The following SCD5 variants were observed in gnomAD, a reference collection of about 807,000 sequenced individuals.
SCD5 encodes the protein acyl-CoA-desaturase 4.
Under a neutral mutation model 30.4 loss-of-function variants are expected in SCD5, and 20 were observed. The ratio of observed to expected loss-of-function variants is 0.66; its 90% CI spans 0.46 to 0.96. The LOEUF is 0.96. SCD5 is among the 40% of genes least tolerant of loss of function. The pLI, the probability that SCD5 is intolerant of heterozygous loss-of-function variation, is 0.00. For synonymous variants in SCD5, 173 were observed against 176.4 expected, an observed-to-expected ratio of 0.98 and a Z score of 0.16; for missense variants, 381 against 443.3, an observed-to-expected ratio of 0.86 and a Z score of 1.26.
At position 82,796,647 on chromosome 4, in the gene SCD5, T is replaced by C. The variant is rs548101302; in HGVS notation, c.232+1659A>G. On this transcript the variant is annotated intron_variant, in intron 1 of 4. Transcript: ENST00000319540. The stretch of plus-strand genomic sequence containing the variant: ...AATATTTTAAGTGCTCACTTTTCCC[T>C]GAGCACTCTCTGAACACCACAGCTA... Among the ~76,000 whole-genome samples, 3 of 152,256 alleles carry C rather than the reference T, an allele frequency of 2.0e-5. No individual in the cohort carries two copies. In the South Asian group the frequency reaches 6.2e-4, roughly 32 times the overall value.
chr4:82,679,283 G>GAAA, intron 3 of SCD5, among the ~76,000 whole-genome samples: 1 of 123,540 alleles, frequency 8.1e-6, no homozygotes, highest in African/African-American at 2.9e-5. Context: ...AAAGAAAGAA[G>GAAA]GAAGGAAAGA....
intron 1 of SCD5, among the ~76,000 whole-genome samples, chr4:82,793,806 G>A (rs533579539): frequency 6.6e-6 from 1 of 152,264 alleles, no homozygotes; most frequent in African/African-American, 2.4e-5. Flanking sequence ...CATTCAGCTG[G>A]TAAGTAAGTA....
chr4:82,792,024 G>A (rs1008564519), intron 1 of SCD5, among the ~76,000 whole-genome samples: 6 of 151,474 alleles, frequency 4.0e-5, no homozygotes, highest in African/African-American at 1.5e-4. Flanking sequence ...TTGGGAGGCC[G>A]AGGAGGGCGG....
chr4:82,739,052 A>G (rs1422986321), intron 1 of SCD5, among the ~76,000 whole-genome samples: 2 of 152,182 alleles, frequency 1.3e-5, no homozygotes, highest in Non-Finnish European at 2.9e-5. Flanking sequence ...TTTAAATATA[A>G]TCACTAAAAA....
rs71666754 is a variant in SCD5 at position 82,653,707 on chromosome 4, T to TATAG, written c.570-16888_570-16885dup. On this transcript the variant is annotated intron_variant, in intron 3 of 4. Transcript: ENST00000319540. ...ATAGATAGATAGATAGATAGATAGA[T>TATAG]ATAGATAGATAGATAGATATAGATA... Among the ~76,000 whole-genome samples the TATAG allele has an allele frequency of 5.7e-3, 352 of 61,644 alleles. 3 individuals are homozygous for TATAG. Among genetic ancestry groups the TATAG allele is most frequent in the Non-Finnish European group, 9.9e-3 (284 of 28,720 alleles). 40.4% of individuals were successfully genotyped at this position (61,644 alleles called of 152,430 possible). A position where few individuals can be genotyped will look rare whatever the true frequency, so the allele number is the denominator to read the frequency against.
chr4:82,742,024 G>A (rs1019192820), intron 1 of SCD5, among the ~76,000 whole-genome samples: 3 of 150,440 alleles, frequency 2.0e-5, no homozygotes, highest in Non-Finnish European at 4.4e-5. Context: ...AGCTTGCAGT[G>A]AGCCGAGATC....
intron 1 of SCD5, among the ~76,000 whole-genome samples, chr4:82,730,712 A>C (rs1355243180): frequency 6.8e-6 from 1 of 147,866 alleles, no homozygotes; most frequent in East Asian, 2.0e-4. Context: ...CAGCCTCCCG[A>C]GTAGCTGGGA....
chr4:82,716,926 A>G (rs1482824073), intron 1 of SCD5, among the ~76,000 whole-genome samples: 1 of 151,772 alleles, frequency 6.6e-6, no homozygotes, highest in Non-Finnish European at 1.5e-5. Flanking sequence ...TAAACAATAT[A>G]CTGTAACAAC....
intron 3 of SCD5, chr4:82,660,672 CTT>C (rs1439289079): frequency 1.4e-6 from 2 of 1,409,172 alleles, no homozygotes; most frequent in African/African-American, 2.9e-5. Flanking sequence ...AAACTGAAAT[CTT>C]TTTGATTTTA....
chr4:82,655,412 G>A (rs906490032), intron 3 of SCD5, among the ~76,000 whole-genome samples: 18 of 152,326 alleles, frequency 1.2e-4, no homozygotes, highest in Non-Finnish European at 2.5e-4. Flanking sequence ...TCATTAGTCA[G>A]GGGTGTGTTA....
chr4:82,750,640 C>T (rs1271842138), intron 1 of SCD5, among the ~76,000 whole-genome samples: 1 of 132,126 alleles, frequency 7.6e-6, no homozygotes, highest in Non-Finnish European at 1.6e-5. Context: ...CTGCTTGTAG[C>T]AAAAAAAAAA....
intron 1 of SCD5, among the ~76,000 whole-genome samples, chr4:82,729,659 T>C (rs539368407): frequency 1.6e-4 from 25 of 152,298 alleles, no homozygotes; most frequent in African/African-American, 5.8e-4. Flanking sequence ...CTCCAAAATA[T>C]GCCTTTTTAG....
intron 1 of SCD5, among the ~76,000 whole-genome samples, chr4:82,786,575 G>A (rs530957386): frequency 1.1e-4 from 16 of 152,102 alleles, no homozygotes; most frequent in Admixed American, 8.5e-4. Flanking sequence ...CGAGGTGGGC[G>A]GATCACCTGA....
At chr4:82,777,142 A>G (rs1200573626) in intron 1 of SCD5, among the ~76,000 whole-genome samples, 1 of 152,114 alleles carries the variant, frequency 6.6e-6, no homozygotes, top group African/African-American at 2.4e-5. Context: ...CACCTTAATT[A>G]ATTAGCCCCA....
At chr4:82,774,967 T>A (rs1023620935) in intron 1 of SCD5, among the ~76,000 whole-genome samples, 1 of 146,216 alleles carries the variant, frequency 6.8e-6, no homozygotes, top group Non-Finnish European at 1.5e-5. Flanking sequence ...AAGGACCCAC[T>A]CTCTGCAGCG....
intron 2 of SCD5, among the ~76,000 whole-genome samples, chr4:82,701,412 G>T (rs1323791795): frequency 6.6e-6 from 1 of 152,010 alleles, no homozygotes; most frequent in Non-Finnish European, 1.5e-5. Flanking sequence ...TCAATAATTG[G>T]TAACTTGGTA....
chr4:82,631,637 G>A (rs1727296600), intron 4 of SCD5, 120 bp from the exon 5 acceptor site: 2 of 1,034,200 alleles, frequency 1.9e-6, no homozygotes, highest in Admixed American at 2.6e-5. Context: ...TCTGTGAGGA[G>A]CAAAAGACTT....
intron 3 of SCD5, among the ~76,000 whole-genome samples, chr4:82,678,519 T>G (rs1578017228): frequency 6.6e-6 from 1 of 152,338 alleles, no homozygotes; most frequent in East Asian, 1.9e-4. Flanking sequence ...AAGGTCTGAT[T>G]GTCCCAAAGT....
chr4:82,769,347 A>G (rs1193191700), intron 1 of SCD5, among the ~76,000 whole-genome samples: 4 of 152,218 alleles, frequency 2.6e-5, no homozygotes, highest in Non-Finnish European at 5.9e-5. Flanking sequence ...ATAAATTAAT[A>G]AGGGGCCATC....
Sources: gnomAD v4.1 joint callset for allele counts (sites outside exome capture counted in the v4.1 genomes callset) on GRCh38, gnomAD v4.1.1 for gene constraint, MANE v1.5 for transcripts, NCBI Gene and HGNC (gene_info 2026-07-23, HGNC 2026-07-21) for gene names.